The following OSBPL8 variants were observed in gnomAD, a reference collection of about 807,000 sequenced individuals.
OSBPL8 encodes oxysterol binding protein like 8.
Under a neutral mutation model 125.5 loss-of-function variants are expected in OSBPL8, and 59 were observed. The observed-to-expected ratio is 0.47, with a 90% CI of 0.38 to 0.58. OSBPL8 has a LOEUF of 0.58. Ranked by LOEUF, OSBPL8 falls within the 20% of genes least tolerant of loss-of-function variation. The pLI is 0.00. For synonymous variants in OSBPL8, 330 were observed against 338.9 expected (o/e 0.97, Z 0.29); for missense variants, 758 against 1,047.8 (o/e 0.72, Z 3.82).
intron 8 of OSBPL8, among the ~76,000 whole-genome samples, chr12:76,397,204 T>A (rs890160049): frequency 0.099 from 882 of 8,878 alleles, 13 homozygotes; most frequent in East Asian, 0.48. Context: ...TAAAAAAAAT[T>A]TTTTTTTTTA....
At chr12:76,500,775 A>T (rs938193311) in intron 1 of OSBPL8, among the ~76,000 whole-genome samples, 5 of 151,782 alleles carry the variant, frequency 3.3e-5, no homozygotes, top group Non-Finnish European at 7.4e-5. Context: ...AGAATTTCTT[A>T]AAAGTATAGA....
At chr12:76,407,591 T>G (rs1954323736) in intron 5 of OSBPL8, among the ~76,000 whole-genome samples, 1 of 152,210 alleles carries the variant, frequency 6.6e-6, no homozygotes, top group Non-Finnish European at 1.5e-5. Flanking sequence ...TATAGACATC[T>G]TAAGCTAACA....
At chr12:76,433,700 T>C (rs10400586) in intron 4 of OSBPL8, among the ~76,000 whole-genome samples, 116,462 of 151,978 alleles carry the variant, frequency 0.77, 45,502 homozygotes, top group African/African-American at 0.93. Flanking sequence ...AAAGGCTGGG[T>C]GTGGTGGCTC....
chr12:76,367,124 C>T, intron 21 of OSBPL8, among the ~76,000 whole-genome samples: 1 of 151,950 alleles, frequency 6.6e-6, no homozygotes, highest in East Asian at 1.9e-4. Context: ...GAGGTTCTAC[C>T]CATTATTAAA....
At chr12:76,446,264 T>C (rs1237157911) in intron 4 of OSBPL8, among the ~76,000 whole-genome samples, 3 of 152,166 alleles carry the variant, frequency 2.0e-5, no homozygotes, top group Non-Finnish European at 4.4e-5. Context: ...CATCAGAGGT[T>C]TTCTGGACAT....
At chr12:76,361,578 G>A (rs1486346011) in intron 21 of OSBPL8, among the ~76,000 whole-genome samples, 1 of 152,106 alleles carries the variant, frequency 6.6e-6, no homozygotes, top group Non-Finnish European at 1.5e-5. Flanking sequence ...TATTTACGCT[G>A]CTGATAAAGA....
At chr12:76,466,988 T>C (rs1022501862) in intron 2 of OSBPL8, among the ~76,000 whole-genome samples, 19 of 152,106 alleles carry the variant, frequency 1.2e-4, no homozygotes, top group African/African-American at 4.6e-4. Flanking sequence ...CTTTTTTTAA[T>C]CCTGAGTCAT....
chr12:76,483,950 C>G (rs1231586597), intron 2 of OSBPL8, among the ~76,000 whole-genome samples: 1 of 152,104 alleles, frequency 6.6e-6, no homozygotes, highest in Non-Finnish European at 1.5e-5. Flanking sequence ...GCTGAGATTA[C>G]AGGCGTGAGC....
At chr12:76,489,750 T>C (rs1878518566) in intron 1 of OSBPL8, among the ~76,000 whole-genome samples, 1 of 152,358 alleles carries the variant, frequency 6.6e-6, no homozygotes, top group African/African-American at 2.4e-5. Context: ...AGTCCATGAA[T>C]CAGGGAGTAA....
At chr12:76,360,837 G>A (rs987134800) in intron 21 of OSBPL8, among the ~76,000 whole-genome samples, 14 of 152,292 alleles carry the variant, frequency 9.2e-5, no homozygotes, top group South Asian at 4.1e-4. Context: ...TGGCTGAAGC[G>A]GCTGGGACGT....
At chr12:76,375,930 A>C (rs1166756023) in intron 16 of OSBPL8, among the ~76,000 whole-genome samples, 3 of 152,196 alleles carry the variant, frequency 2.0e-5, no homozygotes, top group African/African-American at 7.2e-5. Flanking sequence ...AGCTACGTTT[A>C]GGCTTTAGTT....
At chr12:76,447,168 G>C (rs1429164632) in intron 4 of OSBPL8, among the ~76,000 whole-genome samples, 1 of 152,148 alleles carries the variant, frequency 6.6e-6, no homozygotes, top group Middle Eastern at 3.2e-3. Flanking sequence ...TCAGTAAAAA[G>C]TTGATGGGGG....
chr12:76,433,182 C>T (rs1871050508), intron 4 of OSBPL8, among the ~76,000 whole-genome samples: 1 of 152,124 alleles, frequency 6.6e-6, no homozygotes, highest in Non-Finnish European at 1.5e-5. Context: ...CAAGGATGCC[C>T]ACTCTCACCA....
At chr12:76,508,499 G>C (rs1254244698) in intron 1 of OSBPL8, among the ~76,000 whole-genome samples, 1 of 152,102 alleles carries the variant, frequency 6.6e-6, no homozygotes, top group African/African-American at 2.4e-5. Flanking sequence ...ATAGGGACTG[G>C]GTAAAATAAG....
chr12:76,393,799 G>A lies in OSBPL8; in HGVS notation c.757+846C>T, dbSNP rs185254542. 2.0e-3 allele frequency among the ~76,000 whole-genome samples: 297 copies of A among 150,760 alleles called. 1 individual carries two copies. Among genetic ancestry groups the A allele is most frequent in the African/African-American group, 6.9e-3 (282 of 41,056 alleles). On this transcript the variant is annotated intron_variant, in intron 9 of 23. Coordinates refer to ENST00000261183, the MANE Select transcript of OSBPL8 (RefSeq NM_020841.5). ...AGCACTTTGGGAGGCCGAGGCAAGC[G>A]AATCATGAGGGCAAGAGTGTGAGAC... is the stretch of plus-strand genomic sequence containing the variant.
At chr12:76,540,857 G>A (rs150881889) in intron 1 of OSBPL8, among the ~76,000 whole-genome samples, 61 of 152,204 alleles carry the variant, frequency 4.0e-4, no homozygotes, top group African/African-American at 1.5e-3. Flanking sequence ...CCCTTAAGAA[G>A]AGCAAAACCT....
rs1305410807 is a variant in OSBPL8 at position 76,378,540 on chromosome 12, T to C, written c.1641A>G (p.Leu547=). 6.3e-7 allele frequency: 1 copy of C among 1,588,316 alleles called. No individual in the cohort carries two copies. Among genetic ancestry groups the C allele is most frequent in the Non-Finnish European group, 8.6e-7 (1 of 1,164,084 alleles). Residue 547 remains leucine (L), a synonymous_variant, in exon 16 of 24, where the codon TTA becomes TTG. Transcript: ENST00000261183. Reference sequence around the variant, plus strand: ...GTGCTTCTCCCTCTAATATTGCAGATAATGAGTTTCCTGAAATAAAATGTT... The same window carrying C: ...GTGCTTCTCCCTCTAATATTGCAGACAATGAGTTTCCTGAAATAAAATGTT... ...LAKSKFYGNS[L]SAILEGEARL...
At chr12:76,425,210 A>AT (rs1389533590) in intron 4 of OSBPL8, among the ~76,000 whole-genome samples, 33 of 152,310 alleles carry the variant, frequency 2.2e-4, no homozygotes, top group African/African-American at 6.0e-4. Context: ...TAAAATAAAG[A>AT]TATCTTTAGA....
intron 1 of OSBPL8, among the ~76,000 whole-genome samples, chr12:76,495,583 G>A (rs1275166064): frequency 6.6e-6 from 1 of 151,466 alleles, no homozygotes; most frequent in Non-Finnish European, 1.5e-5. Flanking sequence ...ATGCAAGTCT[G>A]ATACTATGTC....
Sources: allele counts gnomAD v4.1 joint callset (sites outside exome capture counted in the v4.1 genomes callset), GRCh38; gene constraint gnomAD v4.1.1; transcripts MANE v1.5; gene names NCBI Gene and HGNC (gene_info 2026-07-23, HGNC 2026-07-21).